Variants in MAP7 observed in about 807,000 individuals in gnomAD.
The protein encoded by MAP7 is ensconsin.
In MAP7, 52 loss-of-function variants were observed where a neutral mutation model predicts 94.8. The observed-to-expected ratio is 0.55, with a 90% CI of 0.44 to 0.69. The LOEUF (loss-of-function observed/expected upper bound fraction) is 0.69, where lower values mean the gene tolerates loss of function less well. MAP7 is among the 30% of genes least tolerant of loss of function. The pLI, the probability that MAP7 is intolerant of heterozygous loss-of-function variation, is 0.00. For missense variants in MAP7, 940 were observed against 964.6 expected (o/e 0.97, Z 0.34); for synonymous variants, 350 against 357.0 (o/e 0.98, Z 0.22).
intron 1 of MAP7, among the ~76,000 whole-genome samples, chr6:136,462,969 A>AG (rs1372403258): frequency 2.0e-5 from 3 of 151,426 alleles, no homozygotes; most frequent in Non-Finnish European, 4.4e-5. Context: ...AAAAAAAAAA[A>AG]AGAAAACAAA....
At chr6:136,436,034 T>G (rs1796294512) in intron 1 of MAP7, among the ~76,000 whole-genome samples, 1 of 152,150 alleles carries the variant, frequency 6.6e-6, no homozygotes, top group Admixed American at 6.5e-5. Flanking sequence ...TATATGAACT[T>G]CTGGAACATA....
chr6:136,366,111 T>TAA, intron 9 of MAP7, 93 bp from the exon 10 acceptor site: 1 of 1,314,852 alleles, frequency 7.6e-7, no homozygotes, highest in Non-Finnish European at 1.0e-6. Context: ...AGAATGCAGA[T>TAA]ATTTAGCTCC....
chr6:136,415,588 C>T (rs114069906), intron 2 of MAP7, among the ~76,000 whole-genome samples: 2 of 152,116 alleles, frequency 1.3e-5, no homozygotes, highest in African/African-American at 2.4e-5. Context: ...TAATGCTTCC[C>T]CCTGTGAAGT....
intron 1 of MAP7, among the ~76,000 whole-genome samples, chr6:136,514,478 T>C (rs1457679089): frequency 6.9e-6 from 1 of 145,464 alleles, no homozygotes; most frequent in Admixed American, 7.2e-5. Flanking sequence ...CCCAGCTTCT[T>C]GGGAGGCTGA....
At chr6:136,497,855 T>C (rs1036465672) in intron 1 of MAP7, among the ~76,000 whole-genome samples, 2 of 147,326 alleles carry the variant, frequency 1.4e-5, no homozygotes, top group African/African-American at 5.1e-5. Context: ...AAGGCATGAA[T>C]GACTGTTTTT....
chr6:136,393,978 ATTTTT>A (rs1554242698), intron 3 of MAP7, among the ~76,000 whole-genome samples: 2 of 36,226 alleles, frequency 5.5e-5, no homozygotes, highest in Admixed American at 3.0e-4. Flanking sequence ...CAGCAAAGGT[ATTTTT>A]TTTTTTTTTT....
intron 1 of MAP7, among the ~76,000 whole-genome samples, chr6:136,538,373 G>A (rs772338138): frequency 1.3e-5 from 2 of 152,234 alleles, no homozygotes; most frequent in Non-Finnish European, 2.9e-5. Flanking sequence ...TGGTAGAGAA[G>A]CATATTCAAT....
intron 8 of MAP7, 51 bp downstream of exon 8, chr6:136,372,450 G>T: frequency 6.2e-7 from 1 of 1,608,036 alleles, no homozygotes. Flanking sequence ...AGTCTGCACA[G>T]GAACAGCACT....
rs143382936 is a variant in MAP7, at chr6:136,366,340, G to A, written c.976C>T (p.Arg326Cys). ...TATTTCACTTACCAAAGTCGGGAGC[G>A]AGCTGGTTGTCTTGCTTTGGGATTA... ...PSNPKARQPA[R>C]SRLWLPSKSL... The change falls in exon 9 of 18, where the codon CGC (arginine) becomes TGC (cysteine). Residue 326 changes from arginine (R) to cysteine (C), a missense_variant. Transcript: ENST00000354570. 1.3e-3 allele frequency: 2,027 copies of A among 1,613,868 alleles called. 3 individuals carry two copies. The highest frequency in any genetic ancestry group is 7.1e-3 in the Middle Eastern group (43 of 6,062).
At chr6:136,522,199 A>G (rs1054386372) in intron 1 of MAP7, among the ~76,000 whole-genome samples, 2 of 152,176 alleles carry the variant, frequency 1.3e-5, no homozygotes, top group East Asian at 1.9e-4. Flanking sequence ...TGAAGTCAGC[A>G]TTACAAGGAG....
intron 1 of MAP7, among the ~76,000 whole-genome samples, chr6:136,482,158 C>T (rs943382958): frequency 9.2e-5 from 14 of 152,156 alleles, no homozygotes; most frequent in African/African-American, 2.2e-4. Context: ...GAAAAGGCAA[C>T]GCTTATATAT....
intron 1 of MAP7, among the ~76,000 whole-genome samples, chr6:136,541,125 C>T (rs1829275649): frequency 6.6e-6 from 1 of 152,156 alleles, no homozygotes; most frequent in Non-Finnish European, 1.5e-5. Flanking sequence ...CCTGCCACCC[C>T]AAAGGCTTGG....
rs1786907463 is a variant in MAP7 at position 136,343,307 on chromosome 6, T to C, written c.*921A>G. ...CTTAAACGAGCAAAACCAAATTCTT[T>C]TTCTATTTAAAGAAATATTAAATCT... is the stretch of plus-strand genomic sequence containing the variant. On this transcript the variant is annotated 3_prime_UTR_variant, in exon 18 of 18. Transcript: ENST00000354570. 1 of 152,664 alleles carries C rather than the reference T, an allele frequency of 6.6e-6. No homozygotes were observed. Among genetic ancestry groups the C allele is most frequent in the African/African-American group, 2.4e-5 (1 of 41,456 alleles). The allele number at this position is 152,664 out of a possible 1,614,324, so 9.5% of individuals were successfully genotyped here. A position where few individuals can be genotyped will look rare whatever the true frequency, so the allele number is the denominator to read the frequency against.
chr6:136,501,745 G>C (rs1276397944), intron 1 of MAP7, among the ~76,000 whole-genome samples: 1 of 152,024 alleles, frequency 6.6e-6, no homozygotes, highest in African/African-American at 2.4e-5. Context: ...CCAGAACAGA[G>C]AGAATAGACA....
chr6:136,365,750 G>A lies in MAP7; in HGVS notation c.1258C>T (p.Pro420Ser). ...ATVEERTPAE[P>S]EVGPAAPAMA... ...TTGCTCTTACCAGGGCCAACTTCTGGTTCAGCAGGTGTCCGCTCTTCAACT... is the reference window on the plus strand; with the variant it reads ...TTGCTCTTACCAGGGCCAACTTCTGATTCAGCAGGTGTCCGCTCTTCAACT... The change falls in exon 10 of 18, where the codon CCA becomes TCA. Residue 420 changes from proline (P) to serine (S), a missense_variant. Transcript: ENST00000354570. 1 of 1,613,772 alleles carries A rather than the reference G, an allele frequency of 6.2e-7. No individual in the cohort carries two copies. Among genetic ancestry groups the A allele is most frequent in the Non-Finnish European group, 8.5e-7 (1 of 1,179,854 alleles).
chr6:136,505,718 C>T (rs2129017894), intron 1 of MAP7, among the ~76,000 whole-genome samples: 1 of 151,946 alleles, frequency 6.6e-6, no homozygotes, highest in South Asian at 2.1e-4. Flanking sequence ...TGTACAACAC[C>T]CGTGACACAA....
In MAP7 at chr6:136,458,531, GC is replaced by G. The variant is rs140563871; in HGVS notation, c.68-36733del. Among the ~76,000 whole-genome samples, 75 of 152,130 alleles carry G rather than the reference GC, an allele frequency of 4.9e-4. 2 individuals are homozygous for G. The East Asian group carries it at 0.012, about 24-fold the overall frequency. ...TTTCTATTTCAAAGTAGATTACAAA[GC>G]TATAGTAATCCCAACAGTATGGTAA... On this transcript the variant is annotated intron_variant, in intron 1 of 17. Coordinates refer to ENST00000354570, the MANE Select transcript of MAP7 (RefSeq NM_003980.6).
chr6:136,503,321 G>A (rs1474019154), intron 1 of MAP7, among the ~76,000 whole-genome samples: 4 of 147,850 alleles, frequency 2.7e-5, no homozygotes, highest in Non-Finnish European at 5.9e-5. Context: ...GCAAGAAGAA[G>A]AGAAAACCAA....
At chr6:136,505,417 T>G (rs1351937548) in intron 1 of MAP7, among the ~76,000 whole-genome samples, 1 of 150,790 alleles carries the variant, frequency 6.6e-6, no homozygotes, top group Non-Finnish European at 1.5e-5. Flanking sequence ...AATGTCCTAA[T>G]TTTAGTGTCC....
Sources: allele counts gnomAD v4.1 joint callset (sites outside exome capture counted in the v4.1 genomes callset), GRCh38; gene constraint gnomAD v4.1.1; transcripts MANE v1.5; gene names NCBI Gene and HGNC (gene_info 2026-07-23, HGNC 2026-07-21).